The following GPR180 variants were observed in gnomAD, a reference collection of about 807,000 sequenced individuals.
The protein encoded by GPR180 is G protein-coupled receptor 180.
Under a neutral mutation model 52.6 loss-of-function variants are expected in GPR180, and 53 were observed. The ratio of observed to expected loss-of-function variants is 1.01; its 90% confidence interval spans 0.81 to 1.27. GPR180 has a LOEUF of 1.27. Among genes scored for constraint, GPR180 ranks in the 50% most tolerant of loss-of-function variants. The probability of loss-of-function intolerance (pLI) is 0.00; values close to 1 mark genes in which losing one functional copy is unlikely to be tolerated. For synonymous variants in GPR180, 200 were observed against 193.1 expected, an observed-to-expected ratio of 1.04 and a Z score of -0.30; for missense variants, 533 against 527.0, an observed-to-expected ratio of 1.01 and a Z score of -0.11.
chr13:94,601,862 C>A lies in GPR180; in HGVS notation c.-66C>A. 7.6e-7 allele frequency: 1 copy of A among 1,322,274 alleles called. No homozygotes were observed. Among genetic ancestry groups the A allele is most frequent in the Non-Finnish European group, 9.7e-7 (1 of 1,033,466 alleles). The allele number at this position is 1,322,274 out of a possible 1,614,324, so 81.9% of individuals were successfully genotyped here. ...GCGCCCACCCCGCCTCCCCCAGCTG[C>A]CGACGTGGGGCGGGCAGCCGCCGGC... is the stretch of plus-strand genomic sequence containing the variant. On this transcript the variant is annotated 5_prime_UTR_variant, in exon 1 of 9. Coordinates refer to ENST00000376958, the MANE Select transcript of GPR180 (RefSeq NM_180989.6).
intron 1 of GPR180, among the ~76,000 whole-genome samples, chr13:94,604,806 G>T (rs1889608272): frequency 6.6e-6 from 1 of 151,738 alleles, no homozygotes. Flanking sequence ...CAAACTCTTG[G>T]GCTGGGAATC....
Position 94,630,519 on chromosome 13 carries a change from A to G in GPR180, c.*3348A>G, listed in dbSNP as rs1184489835. ...ACTACTTCCCTGACAAAAACCCTCC[A>G]TGTGCCTCTCATTGCACTTAGGAAA... is the stretch of plus-strand genomic sequence containing the variant. On this transcript the variant is annotated 3_prime_UTR_variant, in exon 9 of 9. Transcript: ENST00000376958. 2.0e-5 allele frequency: 3 copies of G among 152,234 alleles called. No individual in the cohort carries two copies. The highest frequency in any genetic ancestry group is 4.4e-5 in the Non-Finnish European group (3 of 68,042). The allele number at this position is 152,234 out of a possible 1,614,324, so 9.4% of individuals were successfully genotyped here.
chr13:94,624,942 C>A (rs2138569958), intron 7 of GPR180, among the ~76,000 whole-genome samples: 1 of 152,088 alleles, frequency 6.6e-6, no homozygotes, highest in Non-Finnish European at 1.5e-5. Flanking sequence ...AGCGATTCTC[C>A]TGTTTCAGTC....
chr13:94,604,346 A>T (rs1433797876), intron 1 of GPR180, among the ~76,000 whole-genome samples: 19 of 15,940 alleles, frequency 1.2e-3, no homozygotes, highest in Middle Eastern at 0.036. Flanking sequence ...AAATAAATTA[A>T]AAAAAAAAAA....
chr13:94,610,738 T>C (rs77544654), intron 2 of GPR180, among the ~76,000 whole-genome samples: 4 of 152,326 alleles, frequency 2.6e-5, no homozygotes, highest in African/African-American at 9.6e-5. Flanking sequence ...TTAGACATCA[T>C]TTTGTGTTTC....
chr13:94,615,270 A>G (rs1177595014), intron 3 of GPR180, among the ~76,000 whole-genome samples: 1 of 152,224 alleles, frequency 6.6e-6, no homozygotes, highest in Non-Finnish European at 1.5e-5. Context: ...GTTTACAGGG[A>G]AAATGTTCAA....
chr13:94,612,237 T>A lies in GPR180; in HGVS notation c.352T>A (p.Ser118Thr), dbSNP rs907418974. The A allele has an allele frequency of 6.2e-7, 1 of 1,614,086 alleles. No homozygotes were observed. The highest frequency in any genetic ancestry group is 8.5e-7 in the Non-Finnish European group (1 of 1,179,998). Residue 118 changes from serine to threonine, a missense_variant, in exon 3 of 9, where the codon TCT (serine) becomes ACT (threonine). By Grantham distance (58) the Ser-to-Thr change is moderately conservative (BLOSUM62 1). Transcript: ENST00000376958. ...EHNLTVSQIP[S>T]PQTWHVFYAD... ...TAATCTGACAGTGTCCCAGATTCCG[T>A]CTCCACAAACGTGGCATGTGTTTTA...
chr13:94,613,986 C>G (rs1889746333), intron 3 of GPR180, among the ~76,000 whole-genome samples: 1 of 151,608 alleles, frequency 6.6e-6, no homozygotes. Flanking sequence ...TCAAGCAATT[C>G]TCCCGCCTCA....
chr13:94,622,593 C>T (rs1049918983), intron 6 of GPR180, among the ~76,000 whole-genome samples: 14 of 152,172 alleles, frequency 9.2e-5, no homozygotes, highest in Non-Finnish European at 7.4e-5. Context: ...TGTGGTAGCT[C>T]TGTGGTAGCA....
In GPR180 at chr13:94,601,867, G is replaced by C. The variant is rs1442347972; in HGVS notation, c.-61G>C. The C allele has an allele frequency of 1.1e-5, 15 of 1,328,982 alleles. No individual in the cohort carries two copies. Among genetic ancestry groups the C allele is most frequent in the Non-Finnish European group, 1.4e-5 (15 of 1,037,952 alleles). 82.3% of individuals were successfully genotyped at this position (1,328,982 alleles called of 1,614,324 possible). ...CACCCCGCCTCCCCCAGCTGCCGACGTGGGGCGGGCAGCCGCCGGCGGCTG... is the reference window on the plus strand; with the variant it reads ...CACCCCGCCTCCCCCAGCTGCCGACCTGGGGCGGGCAGCCGCCGGCGGCTG... On this transcript the variant is annotated 5_prime_UTR_variant, in exon 1 of 9. Coordinates refer to ENST00000376958, the MANE Select transcript of GPR180 (RefSeq NM_180989.6).
rs1889988454 is a variant in GPR180, at chr13:94,631,057, C to T, written c.*3886C>T. 1 of 152,230 alleles carries T rather than the reference C, an allele frequency of 6.6e-6. No individual in the cohort carries two copies. The highest frequency in any genetic ancestry group is 1.5e-5 in the Non-Finnish European group (1 of 68,072). The allele number at this position is 152,230 out of a possible 1,614,324, so 9.4% of individuals were successfully genotyped here. A position where few individuals can be genotyped will look rare whatever the true frequency, so the allele number is the denominator to read the frequency against. ...TGTTGGCTTCTCTTGGCCTGTGGGACAACAGCCAGGCCCACAGGAACACCA... is the reference window on the plus strand; with the variant it reads ...TGTTGGCTTCTCTTGGCCTGTGGGATAACAGCCAGGCCCACAGGAACACCA... On this transcript the variant is annotated 3_prime_UTR_variant, in exon 9 of 9. Coordinates refer to ENST00000376958, the MANE Select transcript of GPR180 (RefSeq NM_180989.6).
chr13:94,612,325 A>T lies in GPR180; in HGVS notation c.440A>T (p.Glu147Val). 1 of 1,613,962 alleles carries T rather than the reference A, an allele frequency of 6.2e-7. No individual in the cohort carries two copies. Among genetic ancestry groups the T allele is most frequent in the Non-Finnish European group, 8.5e-7 (1 of 1,179,834 alleles). The change falls in exon 3 of 9, where the codon GAA (glutamate) becomes GTA (valine). Residue 147 changes from glutamate to valine, a missense_variant. Glu to Val is a moderately radical substitution (Grantham distance 121). Transcript: ENST00000376958. ...ENSQVEDIPF[E>V]MVLLNPDAEG... is the part of the protein sequence containing the mutation. The stretch of plus-strand genomic sequence containing the variant: ...TCTCAGGTGGAAGATATCCCATTTG[A>T]AATGGTGTTACTAAACCCAGATGCC...
At position 94,627,717 on chromosome 13, in the gene GPR180, T is replaced by G. The variant is rs1485330063; in HGVS notation, c.*546T>G. 6.6e-6 allele frequency: 1 copy of G among 152,166 alleles called. No homozygotes were observed. Among genetic ancestry groups the G allele is most frequent in the Non-Finnish European group, 1.5e-5 (1 of 67,980 alleles). The allele number at this position is 152,166 out of a possible 1,614,324, so 9.4% of individuals were successfully genotyped here. The stretch of plus-strand genomic sequence containing the variant: ...AGGTTCACAGTTAAATGAATAAGCT[T>G]TTGTTTATTTGTGGGTGGAGTTATT... On this transcript the variant is annotated 3_prime_UTR_variant, in exon 9 of 9. Coordinates refer to ENST00000376958, the MANE Select transcript of GPR180 (RefSeq NM_180989.6).
At chr13:94,612,138 T>C in intron 2 of GPR180, 52 bp from the exon 3 acceptor site, 1 of 1,402,710 alleles carries the variant, frequency 7.1e-7, no homozygotes, top group Non-Finnish European at 1.0e-6. Context: ...ACTAAAACAG[T>C]GAAACACATT....
intron 3 of GPR180, among the ~76,000 whole-genome samples, chr13:94,614,348 T>G (rs1327335179): frequency 6.6e-6 from 1 of 152,226 alleles, no homozygotes; most frequent in Non-Finnish European, 1.5e-5. Context: ...TGTAGTCCTT[T>G]GGCTCAAAAG....
intron 2 of GPR180, among the ~76,000 whole-genome samples, chr13:94,607,678 C>T (rs149474319): frequency 2.6e-5 from 4 of 151,888 alleles, no homozygotes; most frequent in African/African-American, 9.7e-5. Flanking sequence ...CTGAGCGCTT[C>T]CACTGTTTCA....
Position 94,601,935 on chromosome 13 carries a change from G to T in GPR180, c.8G>T (p.Gly3Val), listed in dbSNP as rs375711698. The T allele has an allele frequency of 1.8e-4, 264 of 1,493,986 alleles. 1 individual carries two copies. The Middle Eastern group carries it at 2.0e-3, about 11-fold the overall frequency. The allele number at this position is 1,493,986 out of a possible 1,614,324, so 92.5% of individuals were successfully genotyped here. The change falls in exon 1 of 9, where the codon GGG (glycine) becomes GTG (valine). Residue 3 changes from glycine to valine, a missense_variant. Coordinates refer to ENST00000376958, the MANE Select transcript of GPR180 (RefSeq NM_180989.6). MG[G>V]LRLLAVALTC... ...GCAGACCTGGAGACGGGCATGGGGGGGCTGCGGCTGCTGGCTGTGGCCCTC... is the reference window on the plus strand; with the variant it reads ...GCAGACCTGGAGACGGGCATGGGGGTGCTGCGGCTGCTGGCTGTGGCCCTC...
At chr13:94,614,430 C>T (rs1194337209) in intron 3 of GPR180, among the ~76,000 whole-genome samples, 1 of 152,190 alleles carries the variant, frequency 6.6e-6, no homozygotes, top group East Asian at 1.9e-4. Context: ...CCTCCTTATC[C>T]AGGCTTCCAT....
intron 6 of GPR180, among the ~76,000 whole-genome samples, chr13:94,622,571 T>C (rs901607477): frequency 1.3e-5 from 2 of 152,198 alleles, no homozygotes; most frequent in Non-Finnish European, 2.9e-5. Flanking sequence ...TGTAAAAATA[T>C]GAACCATGGG....
Sources: gnomAD v4.1 joint callset for allele counts (sites outside exome capture counted in the v4.1 genomes callset) on GRCh38, gnomAD v4.1.1 for gene constraint, MANE v1.5 for transcripts, NCBI Gene and HGNC (gene_info 2026-07-23, HGNC 2026-07-21) for gene names.